FNBP1: variants seen among roughly 807,000 people sequenced by gnomAD.
The protein encoded by FNBP1 is formin binding protein 1.
Under a neutral mutation model 90.6 loss-of-function variants are expected in FNBP1, and 26 were observed. The ratio of observed to expected loss-of-function variants is 0.29; its 90% CI spans 0.21 to 0.40. FNBP1 has a LOEUF of 0.40. Ranked by LOEUF, FNBP1 falls within the 10% of genes least tolerant of loss-of-function variation. The probability of loss-of-function intolerance (pLI) is 1.00; values close to 1 mark genes in which losing one functional copy is unlikely to be tolerated. For synonymous variants in FNBP1, 260 were observed against 265.2 expected, an observed-to-expected ratio of 0.98 and a Z score of 0.19; for missense variants, 635 against 768.0, an observed-to-expected ratio of 0.83 and a Z score of 2.05.
At chr9:129,952,389 T>C (rs1199706115) in intron 6 of FNBP1, among the ~76,000 whole-genome samples, 2 of 151,768 alleles carry the variant, frequency 1.3e-5, no homozygotes, top group Non-Finnish European at 2.9e-5. Flanking sequence ...TCTCAGCTAC[T>C]TGGGAGGCTG....
At chr9:130,035,010 G>A (rs983564692) in intron 1 of FNBP1, among the ~76,000 whole-genome samples, 3 of 152,176 alleles carry the variant, frequency 2.0e-5, no homozygotes, top group Non-Finnish European at 2.9e-5. Flanking sequence ...TTAGCAGAGT[G>A]TGGTGACATG....
rs146911942 is a variant in FNBP1, at chr9:129,995,733, T to C, written c.25-775A>G. On this transcript the variant is annotated intron_variant, in intron 1 of 16. Coordinates refer to ENST00000446176, the MANE Select transcript of FNBP1 (RefSeq NM_015033.3). ...AACAGCTAATGCAAAGACATGGAGA[T>C]ATCCAGGAATCAAGTGAATTTGTCT... Among the ~76,000 whole-genome samples the C allele has an allele frequency of 3.9e-5, 6 of 152,280 alleles. No individual in the cohort carries two copies. In the East Asian group the frequency reaches 1.2e-3, roughly 29 times the overall value.
intron 1 of FNBP1, among the ~76,000 whole-genome samples, chr9:130,022,354 G>A (rs576024055): frequency 1.9e-4 from 29 of 151,572 alleles, no homozygotes; most frequent in African/African-American, 5.6e-4. Flanking sequence ...ACAGGCACGC[G>A]CCAAGATGCC....
intron 2 of FNBP1, among the ~76,000 whole-genome samples, chr9:129,987,853 G>T (rs993740671): frequency 6.6e-6 from 1 of 151,898 alleles, no homozygotes; most frequent in South Asian, 2.1e-4. Context: ...CTTTACTGTC[G>T]TTTGTACTGT....
At chr9:129,969,882 T>A (rs918358888) in intron 4 of FNBP1, among the ~76,000 whole-genome samples, 1 of 138,060 alleles carries the variant, frequency 7.2e-6, no homozygotes, top group African/African-American at 2.7e-5. Flanking sequence ...AGGATTAATA[T>A]TCCTAACTTT....
chr9:129,968,841 G>C (rs2133188126), intron 4 of FNBP1, among the ~76,000 whole-genome samples: 1 of 152,280 alleles, frequency 6.6e-6, no homozygotes, highest in Non-Finnish European at 1.5e-5. Flanking sequence ...AAGTGATTCT[G>C]CTTCTGGCCA....
At chr9:130,015,068 A>G (rs1031482168) in intron 1 of FNBP1, among the ~76,000 whole-genome samples, 1 of 152,172 alleles carries the variant, frequency 6.6e-6, no homozygotes, top group Non-Finnish European at 1.5e-5. Context: ...AATACTGTCA[A>G]ATAAAATGTT....
At position 130,042,283 on chromosome 9, in the gene FNBP1, G is replaced by C. The variant is rs2059896176; in HGVS notation, c.24+669C>G. On this transcript the variant is annotated intron_variant, in intron 1 of 16. Coordinates refer to ENST00000446176, the MANE Select transcript of FNBP1 (RefSeq NM_015033.3). This position sits in a 1 kb window ranked among gnomAD's most constrained non-coding sequence, Gnocchi z 5.5. ...CCTCTTCCTGAGGTAGATCACGTAA[G>C]ATCTCTCCCTAACTCCCACTTTCCC... 6.6e-6 allele frequency among the ~76,000 whole-genome samples: 1 copy of C among 152,122 alleles called. No individual in the cohort carries two copies. Among genetic ancestry groups the C allele is most frequent in the South Asian group, 2.1e-4 (1 of 4,834 alleles).
At position 129,887,288 on chromosome 9, in the gene FNBP1, GACAA is replaced by G. The variant is rs1203445922; in HGVS notation, c.*3247_*3250del. 1 of 193,336 alleles carries G rather than the reference GACAA, an allele frequency of 5.2e-6. No homozygotes were observed. Among genetic ancestry groups the G allele is most frequent in the Non-Finnish European group, 1.1e-5 (1 of 92,476 alleles). 12.0% of individuals were successfully genotyped at this position (193,336 alleles called of 1,614,324 possible). A position where few individuals can be genotyped will look rare whatever the true frequency, so the allele number is the denominator to read the frequency against. On this transcript the variant is annotated 3_prime_UTR_variant, in exon 17 of 17. Coordinates refer to ENST00000446176, the MANE Select transcript of FNBP1 (RefSeq NM_015033.3). ...TATTTGGTTTAATTCCATCTCCAGA[GACAA>G]ACAGGCAACTCTAGGACCTTTACAG...
chr9:129,896,533 A>G (rs10760646), intron 15 of FNBP1, among the ~76,000 whole-genome samples: 87,448 of 151,846 alleles, frequency 0.58, 25,453 homozygotes, highest in East Asian at 0.8. Flanking sequence ...ATAGGTGTGC[A>G]CCACCACACC....
At chr9:129,911,253 C>T (rs1305127046) in intron 11 of FNBP1, among the ~76,000 whole-genome samples, 1 of 152,190 alleles carries the variant, frequency 6.6e-6, no homozygotes, top group Non-Finnish European at 1.5e-5. Context: ...CTTCTTTCAC[C>T]TGCCCAAGGC....
At chr9:130,046,951 G>A (rs1244145533), upstream of FNBP1, among the ~76,000 whole-genome samples, 1 of 152,036 alleles carries the variant, frequency 6.6e-6, no homozygotes, top group Non-Finnish European at 1.5e-5. Flanking sequence ...AGGAGGACTT[G>A]AGATTTCTGA....
chr9:130,010,918 CAT>C (rs1256808134), intron 1 of FNBP1, among the ~76,000 whole-genome samples: 2 of 151,594 alleles, frequency 1.3e-5, no homozygotes, highest in Non-Finnish European at 2.9e-5. Flanking sequence ...GCAGTAGAAA[CAT>C]AGACTTGCAG....
chr9:129,989,502 C>T (rs1698543734), intron 2 of FNBP1, among the ~76,000 whole-genome samples: 2 of 152,326 alleles, frequency 1.3e-5, no homozygotes, highest in African/African-American at 2.4e-5. Context: ...TGGGCACCTA[C>T]TATGTGCCAG....
rs976125695 is a variant in FNBP1 at position 130,003,055 on chromosome 9, A to G, written c.25-8097T>C. Among the ~76,000 whole-genome samples the G allele has an allele frequency of 4.6e-5, 7 of 152,176 alleles. No homozygotes were observed. In the East Asian group the frequency reaches 1.3e-3, roughly 29 times the overall value. On this transcript the variant is annotated intron_variant, in intron 1 of 16. Transcript: ENST00000446176. ...ATTATTTTCAGGTCTGGTTTTAGGT[A>G]CTATATTCTGATTAAGTTACAATAA...
At chr9:130,046,608 CA>C (rs1197444403), upstream of FNBP1, among the ~76,000 whole-genome samples, 16 of 127,452 alleles carry the variant, frequency 1.3e-4, no homozygotes, top group Admixed American at 4.8e-4. Context: ...AAAAAAACAC[CA>C]AAAAAAAAAT....
the FNBP1 span, chr9:130,053,800 A>G: frequency 1.2e-6 from 1 of 829,568 alleles, no homozygotes; most frequent in Non-Finnish European, 1.9e-6. Context: ...CCTAGGTCGC[A>G]ATCTCCAGGA....
rs191521895 is a variant in FNBP1 at position 130,023,103 on chromosome 9, T to C, written c.24+19849A>G. ...AAAAGGTACCAAAAAGTGTGACTAG[T>C]ATGCTAACATTTGTAAGGGAGGGGG... On this transcript the variant is annotated intron_variant, in intron 1 of 16. Transcript: ENST00000446176. Among the ~76,000 whole-genome samples, 144 of 152,016 alleles carry C rather than the reference T, an allele frequency of 9.5e-4. 1 individual carries two copies. In the South Asian group the frequency reaches 0.029, roughly 30 times the overall value.
chr9:129,985,470 C>A (rs2052016521), intron 2 of FNBP1, among the ~76,000 whole-genome samples: 1 of 152,168 alleles, frequency 6.6e-6, no homozygotes, highest in Non-Finnish European at 1.5e-5. Flanking sequence ...GATTACATCC[C>A]AGGCATTGGG....
Sources: gnomAD v4.1 joint callset for allele counts (sites outside exome capture counted in the v4.1 genomes callset) on GRCh38, gnomAD v4.1.1 for gene constraint, Gnocchi (gnomAD v3.1) non-coding constraint, MANE v1.5 for transcripts, NCBI Gene and HGNC (gene_info 2026-07-23, HGNC 2026-07-21) for gene names.